TUSC3: variants seen among roughly 807,000 people sequenced by gnomAD.
TUSC3 encodes the protein dolichyl-diphosphooligosaccharide--protein glycosyltransferase subunit TUSC3.
TUSC3 carries 45 observed loss-of-function variants against 44.8 expected under a neutral mutation model. The observed-to-expected ratio is 1.00, with a 90% CI of 0.79 to 1.29. TUSC3 has a LOEUF of 1.29. TUSC3 is among the 50% of genes most tolerant of loss of function. The pLI, the probability that TUSC3 is intolerant of heterozygous loss-of-function variation, is 0.00. For missense variants in TUSC3, 519 were observed against 437.9 expected, an observed-to-expected ratio of 1.19 and a Z score of -1.65; for synonymous variants, 212 against 152.9, an observed-to-expected ratio of 1.39 and a Z score of -2.85.
intron 2 of TUSC3, among the ~76,000 whole-genome samples, chr8:15,526,616 G>C (rs534847265): frequency 6.6e-6 from 1 of 152,054 alleles, no homozygotes; most frequent in Non-Finnish European, 1.5e-5. Flanking sequence ...CTCGTCTGCC[G>C]CCATGTAAAA....
intron 2 of TUSC3, among the ~76,000 whole-genome samples, chr8:15,494,928 ACTTTT>A (rs1800859414): frequency 1.4e-5 from 2 of 141,586 alleles, no homozygotes; most frequent in South Asian, 4.4e-4. Flanking sequence ...CCATTTTTAA[ACTTTT>A]CTCTTAATAG....
intron 2 of TUSC3, among the ~76,000 whole-genome samples, chr8:15,627,535 T>C (rs1805570099): frequency 6.6e-6 from 1 of 152,214 alleles, no homozygotes; most frequent in African/African-American, 2.4e-5. Flanking sequence ...GCTTGCCATG[T>C]TGTGGATGAA....
intron 9 of TUSC3, 34 bp downstream of exon 9, chr8:15,748,499 T>TAG: frequency 6.8e-7 from 1 of 1,462,450 alleles, no homozygotes; most frequent in Non-Finnish European, 9.6e-7. Context: ...ATGTTTTTAT[T>TAG]TTTAACTAAT....
chr8:15,668,352 A>T (rs530751464), intron 5 of TUSC3, among the ~76,000 whole-genome samples: 1 of 151,828 alleles, frequency 6.6e-6, no homozygotes, highest in South Asian at 2.1e-4. Flanking sequence ...TCAGTCTTAG[A>T]ATAGTGATTC....
At chr8:15,492,545 T>C (rs1800822777) in intron 2 of TUSC3, among the ~76,000 whole-genome samples, 1 of 152,138 alleles carries the variant, frequency 6.6e-6, no homozygotes, top group South Asian at 2.1e-4. Flanking sequence ...GTAAGAGACC[T>C]ATTTCTGGAA....
At chr8:15,508,721 A>G (rs894979594) in intron 2 of TUSC3, among the ~76,000 whole-genome samples, 3 of 152,152 alleles carry the variant, frequency 2.0e-5, no homozygotes, top group African/African-American at 7.2e-5. Context: ...TGGGCGTCCC[A>G]AAGTGCTGGG....
chr8:15,470,285 G>A (rs867494850), intron 1 of TUSC3, among the ~76,000 whole-genome samples: 11 of 150,772 alleles, frequency 7.3e-5, no homozygotes, highest in Middle Eastern at 3.4e-3. Flanking sequence ...AGCATTGGTT[G>A]CCAAGGGTTC....
chr8:15,735,876 T>G (rs112257862), intron 7 of TUSC3, among the ~76,000 whole-genome samples: 4 of 139,064 alleles, frequency 2.9e-5, no homozygotes, highest in Non-Finnish European at 6.5e-5. Flanking sequence ...ATGGGTTTTT[T>G]TTTTTTGTTT....
chr8:15,648,337 C>T (rs1212854407), intron 2 of TUSC3, among the ~76,000 whole-genome samples: 2 of 152,076 alleles, frequency 1.3e-5, no homozygotes, highest in Non-Finnish European at 2.9e-5. Flanking sequence ...ATGAACAAAG[C>T]AGTCTGCATG....
At chr8:15,551,110 G>A (rs1802047096) in intron 1 of TUSC3, among the ~76,000 whole-genome samples, 1 of 151,754 alleles carries the variant, frequency 6.6e-6, no homozygotes, top group African/African-American at 2.4e-5. Context: ...TGAGAGGGTT[G>A]AACAAGATCA....
intron 2 of TUSC3, among the ~76,000 whole-genome samples, chr8:15,491,057 T>C (rs1800801820): frequency 6.6e-6 from 1 of 152,224 alleles, no homozygotes; most frequent in Non-Finnish European, 1.5e-5. Flanking sequence ...ACACACATTT[T>C]ACATATGAGA....
At chr8:15,795,605 A>G in the TUSC3 span, among the ~76,000 whole-genome samples, 1 of 152,214 alleles carries the variant, frequency 6.6e-6, no homozygotes, top group Non-Finnish European at 1.5e-5. Context: ...CGTGTTTTCA[A>G]GAAGAGAGTA....
At chr8:15,728,263 C>G (rs188393869) in intron 6 of TUSC3, among the ~76,000 whole-genome samples, 1 of 152,172 alleles carries the variant, frequency 6.6e-6, no homozygotes, top group Admixed American at 6.5e-5. Context: ...AGGGTAGAGT[C>G]AGGGAGAATA....
At chr8:15,523,662 A>G (rs1196661829) in intron 2 of TUSC3, among the ~76,000 whole-genome samples, 3,568 of 21,664 alleles carry the variant, frequency 0.16, 98 homozygotes, top group East Asian at 0.36. Flanking sequence ...ATATATATAT[A>G]TATGTGTGTG....
At chr8:15,573,993 G>A (rs963360551) in intron 1 of TUSC3, among the ~76,000 whole-genome samples, 2 of 152,076 alleles carry the variant, frequency 1.3e-5, no homozygotes, top group African/African-American at 4.8e-5. Flanking sequence ...GTAATTTTAG[G>A]CACTTCCATA....
chr8:15,485,842 G>C (rs538237756), intron 2 of TUSC3, among the ~76,000 whole-genome samples: 1 of 152,226 alleles, frequency 6.6e-6, no homozygotes, highest in South Asian at 2.1e-4. Flanking sequence ...GCCCAGGCTG[G>C]AGTGCAATGG....
chr8:15,770,710 C>T (rs1221987661), downstream of TUSC3, among the ~76,000 whole-genome samples: 2 of 152,040 alleles, frequency 1.3e-5, no homozygotes, highest in African/African-American at 4.8e-5. Flanking sequence ...GAACTTGAAG[C>T]TAGGTCAGTT....
chr8:15,778,299 G>A, the TUSC3 span, among the ~76,000 whole-genome samples: 1 of 152,058 alleles, frequency 6.6e-6, no homozygotes, highest in Non-Finnish European at 1.5e-5. Context: ...AGTATTACCA[G>A]TACTGAAAAA....
chr8:15,688,729 C>T (rs563474854), intron 6 of TUSC3, among the ~76,000 whole-genome samples: 7 of 152,288 alleles, frequency 4.6e-5, no homozygotes, highest in Non-Finnish European at 8.8e-5. Context: ...TCCTTCTCCT[C>T]TCCTCTCTGT....
Sources: gnomAD v4.1 joint callset for allele counts (sites outside exome capture counted in the v4.1 genomes callset) on GRCh38, gnomAD v4.1.1 for gene constraint, MANE v1.5 for transcripts, NCBI Gene and HGNC (gene_info 2026-07-23, HGNC 2026-07-21) for gene names.